PAK5: variants seen among roughly 807,000 people sequenced by gnomAD.
PAK5 encodes p21 (RAC1) activated kinase 5.
PAK5 carries 16 observed loss-of-function variants against 65.9 expected under a neutral mutation model. The ratio of observed to expected loss-of-function variants is 0.24; its 90% CI spans 0.16 to 0.37. The LOEUF (loss-of-function observed/expected upper bound fraction) is 0.37, where lower values mean the gene tolerates loss of function less well. Ranked by LOEUF, PAK5 falls within the 10% of genes least tolerant of loss-of-function variation. The probability of loss-of-function intolerance (pLI) is 1.00; values close to 1 mark genes in which losing one functional copy is unlikely to be tolerated. For missense variants in PAK5, 785 were observed against 903.9 expected, an observed-to-expected ratio of 0.87 and a Z score of 1.69; for synonymous variants, 371 against 354.9, an observed-to-expected ratio of 1.05 and a Z score of -0.51.
Position 9,565,898 on chromosome 20 carries a change from T to G in PAK5, c.1477A>C (p.Asn493His). ...RKQQRRELLFNEVVIMRDYHH... is the reference protein window; with the variant it reads ...RKQQRRELLFHEVVIMRDYHH... ...GACCCAAACACACTCTTTACCTCATTGAAAAGCAGTTCTCGTCTCTGTTGC... is the reference window on the plus strand; with the variant it reads ...GACCCAAACACACTCTTTACCTCATGGAAAAGCAGTTCTCGTCTCTGTTGC... Residue 493 changes from asparagine to histidine, a missense_variant, in exon 5 of 10, where the codon AAT (asparagine) becomes CAT (histidine). Physicochemically the swap from Asn to His is moderately conservative, Grantham distance 68. This residue lies in a region of PAK5 where 182 missense variants were observed against 273.0 expected (regional missense o/e 0.67). Coordinates refer to ENST00000353224, the MANE Select transcript of PAK5 (RefSeq NM_177990.4). 1 of 1,611,644 alleles carries G rather than the reference T, an allele frequency of 6.2e-7. No individual in the cohort carries two copies. Among genetic ancestry groups the G allele is most frequent in the Non-Finnish European group, 8.5e-7 (1 of 1,178,360 alleles).
intron 1 of PAK5, among the ~76,000 whole-genome samples, chr20:9,837,810 A>G (rs1275471685): frequency 1.3e-5 from 2 of 152,176 alleles, no homozygotes; most frequent in African/African-American, 4.8e-5. Context: ...GCTGTCATCA[A>G]CTATTAACAA....
chr20:9,605,814 C>T (rs959677184), intron 3 of PAK5, among the ~76,000 whole-genome samples: 10 of 152,088 alleles, frequency 6.6e-5, no homozygotes, highest in African/African-American at 2.4e-4. Context: ...GCTGTAATAC[C>T]AGCTACTGGG....
At chr20:9,579,394 T>C in intron 4 of PAK5, among the ~76,000 whole-genome samples, 1 of 152,328 alleles carries the variant, frequency 6.6e-6, no homozygotes, top group Middle Eastern at 3.4e-3. Context: ...CCCATAGACC[T>C]TTGCCTGTGC....
intron 2 of PAK5, among the ~76,000 whole-genome samples, chr20:9,660,062 C>T (rs2047323575): frequency 6.6e-6 from 1 of 152,102 alleles, no homozygotes; most frequent in African/African-American, 2.4e-5. Context: ...CTGACTGTCA[C>T]TCCCTTCCAA....
intron 6 of PAK5, among the ~76,000 whole-genome samples, chr20:9,560,870 C>T (rs561806323): frequency 6.6e-6 from 1 of 152,166 alleles, no homozygotes; most frequent in Non-Finnish European, 1.5e-5. Flanking sequence ...GCTAACACTT[C>T]AGTATGTATA....
chr20:9,815,344 G>A (rs1466691979), intron 1 of PAK5, among the ~76,000 whole-genome samples: 1 of 152,102 alleles, frequency 6.6e-6, no homozygotes, highest in Non-Finnish European at 1.5e-5. Flanking sequence ...CATTCCTCAG[G>A]AACACAGAGT....
At chr20:9,602,278 A>C (rs1600122893) in intron 3 of PAK5, among the ~76,000 whole-genome samples, 1 of 150,076 alleles carries the variant, frequency 6.7e-6, no homozygotes, top group South Asian at 2.1e-4. Context: ...CAACAAAGCA[A>C]GACTCTGTCT....
rs542689224 is a variant in PAK5, at chr20:9,704,631, AGTTTCCCTAGGACACTGAACCTGAGACAT to A, written c.-12+6626_-12+6654del. On this transcript the variant is annotated intron_variant, in intron 2 of 9. Transcript: ENST00000353224. ...TGTCTGCAACTACTTGTTTTAGTTC[AGTTTCCCTAGGACACTGAACCTGAGACAT>A]GCACTAAGCGCTGAGGTTTTAATTG... is the stretch of plus-strand genomic sequence containing the variant. Among the ~76,000 whole-genome samples the A allele has an allele frequency of 9.2e-5, 14 of 152,282 alleles. 1 individual carries two copies. The South Asian group carries it at 2.9e-3, about 32-fold the overall frequency.
At chr20:9,675,983 T>C (rs747026141) in intron 2 of PAK5, among the ~76,000 whole-genome samples, 2 of 152,186 alleles carry the variant, frequency 1.3e-5, no homozygotes, top group African/African-American at 2.4e-5. Flanking sequence ...ATGCTGCTGA[T>C]AAGAACATAC....
chr20:9,829,816 G>C (rs1484838302), intron 1 of PAK5, among the ~76,000 whole-genome samples: 2 of 152,160 alleles, frequency 1.3e-5, no homozygotes, highest in South Asian at 4.1e-4. Flanking sequence ...TCATAACAAC[G>C]TAGAAGCCAG....
At chr20:9,741,080 C>T (rs2048446002) in intron 1 of PAK5, among the ~76,000 whole-genome samples, 1 of 152,172 alleles carries the variant, frequency 6.6e-6, no homozygotes, top group Non-Finnish European at 1.5e-5. Flanking sequence ...CTAAGTTAAC[C>T]TTATCTATGC....
At chr20:9,807,631 C>G (rs759562413) in intron 1 of PAK5, among the ~76,000 whole-genome samples, 2 of 151,940 alleles carry the variant, frequency 1.3e-5, no homozygotes, top group Non-Finnish European at 2.9e-5. Flanking sequence ...CTAAAAATTC[C>G]CCATTCCCTT....
At chr20:9,837,778 A>C (rs763112725) in intron 1 of PAK5, among the ~76,000 whole-genome samples, 12 of 152,194 alleles carry the variant, frequency 7.9e-5, no homozygotes, top group Non-Finnish European at 1.5e-4. Context: ...TGATTTTCCT[A>C]AAAGTGTGTT....
In PAK5 at chr20:9,580,672, C is replaced by T. The variant is rs753315436; in HGVS notation, c.463G>A (p.Asp155Asn). ...CTGCCTCTATAATACGGATCCAGATCATCTCCATAGAGACTCTTCTCCCTG... is the reference window on the plus strand; with the variant it reads ...CTGCCTCTATAATACGGATCCAGATTATCTCCATAGAGACTCTTCTCCCTG... ...KYREKSLYGD[D>N]LDPYYRGSHA... Residue 155 changes from aspartate (D) to asparagine (N), a missense_variant, in exon 4 of 10, where the codon GAT (aspartate) becomes AAT (asparagine). Asp to Asn is a conservative substitution (Grantham distance 23). Around this residue, in one of 4 missense-constraint regions of PAK5, gnomAD observed 422 missense variants for 413.3 expected, o/e 1.02. Transcript: ENST00000353224. 10 of 1,613,922 alleles carry T rather than the reference C, an allele frequency of 6.2e-6. No individual in the cohort carries two copies. Among genetic ancestry groups the T allele is most frequent in the South Asian group, 1.1e-5 (1 of 91,072 alleles).
chr20:9,766,394 A>C (rs1246851451), intron 1 of PAK5, among the ~76,000 whole-genome samples: 935 of 80,462 alleles, frequency 0.012, 140 homozygotes, highest in East Asian at 0.029. Context: ...ATATGTATAT[A>C]TATATTCAAG....
intron 3 of PAK5, among the ~76,000 whole-genome samples, chr20:9,611,415 C>G (rs2046557711): frequency 6.6e-6 from 1 of 152,144 alleles, no homozygotes; most frequent in South Asian, 2.1e-4. Flanking sequence ...CTGAGAGAGT[C>G]TACACAAACA....
chr20:9,709,206 C>T (rs971168395), intron 2 of PAK5, among the ~76,000 whole-genome samples: 7 of 152,118 alleles, frequency 4.6e-5, no homozygotes, highest in East Asian at 1.9e-4. Flanking sequence ...CACAGAATGG[C>T]GTATGTCATT....
intron 3 of PAK5, among the ~76,000 whole-genome samples, chr20:9,641,946 GC>G (rs1195856068): frequency 6.6e-6 from 1 of 152,166 alleles, no homozygotes; most frequent in East Asian, 1.9e-4. Flanking sequence ...ACCGCATGCA[GC>G]CCCGGTTCCC....
chr20:9,541,298 A>T (rs1006994341), intron 9 of PAK5, among the ~76,000 whole-genome samples: 1 of 152,134 alleles, frequency 6.6e-6, no homozygotes. Flanking sequence ...TGCAGAAATG[A>T]TCCTCTGAGC....
Sources: allele counts gnomAD v4.1 joint callset (sites outside exome capture counted in the v4.1 genomes callset), GRCh38; gene constraint gnomAD v4.1.1; regional missense constraint gnomAD v4.1.1; transcripts MANE v1.5; gene names NCBI Gene and HGNC (gene_info 2026-07-23, HGNC 2026-07-21).